Variants in SORCS1 observed in about 807,000 individuals in gnomAD.
SORCS1 encodes VPS10 domain-containing receptor SorCS1.
Under a neutral mutation model 146.1 loss-of-function variants are expected in SORCS1, and 60 were observed. That is an observed-to-expected ratio of 0.41 (90% confidence interval 0.33 to 0.51). The LOEUF (loss-of-function observed/expected upper bound fraction) is 0.51, where lower values mean the gene tolerates loss of function less well. Among genes scored for constraint, SORCS1 ranks in the 20% least tolerant of loss-of-function variants. SORCS1 has a pLI of 0.21. For missense variants in SORCS1, 1,352 were observed against 1,487.6 expected, an observed-to-expected ratio of 0.91 and a Z score of 1.50; for synonymous variants, 637 against 584.0, an observed-to-expected ratio of 1.09 and a Z score of -1.31.
chr10:106,781,477 G>A (rs1202199399), intron 3 of SORCS1, among the ~76,000 whole-genome samples: 1 of 152,042 alleles, frequency 6.6e-6, no homozygotes, highest in Non-Finnish European at 1.5e-5. Context: ...TATCACAGGT[G>A]CATAATAAAT....
intron 3 of SORCS1, among the ~76,000 whole-genome samples, chr10:106,782,743 G>T (rs943246983): frequency 2.6e-5 from 4 of 152,200 alleles, no homozygotes; most frequent in Admixed American, 2.0e-4. Flanking sequence ...CTATTTTACT[G>T]TAAGAATCTG....
At chr10:106,599,795 G>T (rs1846131233) in intron 23 of SORCS1, among the ~76,000 whole-genome samples, 2 of 151,224 alleles carry the variant, frequency 1.3e-5, no homozygotes, top group Non-Finnish European at 2.9e-5. Flanking sequence ...GACAGAGTTG[G>T]AGTCTTGCTC....
chr10:106,669,602 G>T (rs761204239), intron 16 of SORCS1, among the ~76,000 whole-genome samples: 2 of 152,158 alleles, frequency 1.3e-5, no homozygotes, highest in Non-Finnish European at 2.9e-5. Context: ...AGTCCCAAAG[G>T]GTAGTACAGA....
intron 1 of SORCS1, among the ~76,000 whole-genome samples, chr10:107,043,151 A>G (rs1365035352): frequency 6.6e-6 from 1 of 152,230 alleles, no homozygotes; most frequent in Non-Finnish European, 1.5e-5. Flanking sequence ...CTTTTTAATC[A>G]TAAGAAAACA....
upstream of SORCS1, among the ~76,000 whole-genome samples, chr10:107,167,904 T>G (rs979216539): frequency 6.6e-6 from 1 of 152,094 alleles, no homozygotes; most frequent in Non-Finnish European, 1.5e-5. Context: ...GTATACTGAT[T>G]GGTGTGCACA....
At chr10:107,165,476 GGT>G (rs1045122888), upstream of SORCS1, among the ~76,000 whole-genome samples, 11 of 152,148 alleles carry the variant, frequency 7.2e-5, no homozygotes, top group African/African-American at 2.7e-4. The surrounding 1 kb of genome is among the most constrained non-coding windows in gnomAD (Gnocchi z 4.0). Flanking sequence ...TATATATCTT[GGT>G]TTCCCTAAGA....
At chr10:107,094,806 G>A (rs1421754884) in intron 1 of SORCS1, among the ~76,000 whole-genome samples, 1 of 152,204 alleles carries the variant, frequency 6.6e-6, no homozygotes, top group African/African-American at 2.4e-5. Flanking sequence ...CTAAGAACGG[G>A]AGAAGCAACA....
intron 1 of SORCS1, among the ~76,000 whole-genome samples, chr10:106,977,299 G>T (rs1956069296): frequency 1.3e-5 from 2 of 152,166 alleles, no homozygotes; most frequent in Non-Finnish European, 2.9e-5. Flanking sequence ...ATGATGATGA[G>T]CTTTTTTTCA....
intron 2 of SORCS1, among the ~76,000 whole-genome samples, chr10:106,936,173 C>A (rs942385423): frequency 6.6e-5 from 10 of 152,202 alleles, no homozygotes; most frequent in African/African-American, 2.4e-4. Flanking sequence ...CTCAAGCCAT[C>A]AGTTGTGCTT....
intron 14 of SORCS1, among the ~76,000 whole-genome samples, chr10:106,674,622 A>T (rs1024427362): frequency 1.3e-5 from 2 of 152,124 alleles, no homozygotes; most frequent in Non-Finnish European, 2.9e-5. Context: ...ACAATAACAG[A>T]CTGTTCTCAT....
rs188358783 is a variant in SORCS1, at chr10:106,739,009, G to C, written c.960-8895C>G. ...AGCCAGGGATTGTTTTAAAAGGCAA[G>C]GTTAGTGGACTAGGTATTTGAACTA... On this transcript the variant is annotated intron_variant, in intron 5 of 25. Transcript: ENST00000263054. Among the ~76,000 whole-genome samples, 249 of 152,258 alleles carry C rather than the reference G, an allele frequency of 1.6e-3. 1 individual carries two copies. Among genetic ancestry groups the C allele is most frequent in the African/African-American group, 5.1e-3 (212 of 41,558 alleles).
intron 2 of SORCS1, among the ~76,000 whole-genome samples, chr10:106,931,434 G>T (rs1953410269): frequency 6.6e-6 from 1 of 152,214 alleles, no homozygotes; most frequent in Non-Finnish European, 1.5e-5. Context: ...AGAACTCACT[G>T]AGAAGAGCAT....
intron 18 of SORCS1, among the ~76,000 whole-genome samples, chr10:106,638,418 A>G (rs1344869524): frequency 6.6e-6 from 1 of 152,170 alleles, no homozygotes; most frequent in African/African-American, 2.4e-5. Context: ...CGGTACATTC[A>G]TTGGGAAAAT....
At chr10:106,762,639 C>T (rs546462500) in intron 4 of SORCS1, among the ~76,000 whole-genome samples, 5 of 151,880 alleles carry the variant, frequency 3.3e-5, no homozygotes, top group South Asian at 2.1e-4. Flanking sequence ...CCTCATGATC[C>T]GCCCACCTCG....
intron 6 of SORCS1, among the ~76,000 whole-genome samples, chr10:106,715,896 G>A (rs931462406): frequency 2.8e-4 from 42 of 152,092 alleles, no homozygotes; most frequent in African/African-American, 9.9e-4. Context: ...GGGACCACAG[G>A]CGCATGCCAC....
intron 1 of SORCS1, among the ~76,000 whole-genome samples, chr10:107,152,067 C>T (rs572990907): frequency 3.9e-4 from 59 of 152,166 alleles, no homozygotes; most frequent in Non-Finnish European, 6.8e-4. Context: ...GCCCTGCATC[C>T]CAGCTGCTTC....
chr10:106,652,434 T>C lies in SORCS1; in HGVS notation c.2423A>G (p.Lys808Arg), dbSNP rs760037374. Residue 808 changes from lysine (K) to arginine (R), a missense_variant, in exon 18 of 26, where the codon AAG (lysine) becomes AGG (arginine). Transcript: ENST00000263054. ...GTTGTGTCCTTGTTCCGCTGTCAGC[T>C]TTCCATCAGCCGTGACTATCCGCAG... Reference protein sequence around the residue: ...RGLRIVTADGKLTAEQGHNVT... With the variant: ...RGLRIVTADGRLTAEQGHNVT... The C allele has an allele frequency of 6.8e-5, 109 of 1,614,028 alleles. No homozygotes were observed. The highest frequency in any genetic ancestry group is 8.8e-5 in the Non-Finnish European group (104 of 1,180,010).
At chr10:106,706,681 G>A (rs1854558513) in intron 7 of SORCS1, 47 bp from the exon 8 acceptor site, 8 of 1,563,126 alleles carry the variant, frequency 5.1e-6, no homozygotes, top group Non-Finnish European at 7.1e-6. Flanking sequence ...TACTGTAACA[G>A]GCACAGGTCA....
chr10:106,607,411 A>G lies in SORCS1; in HGVS notation c.3034-114T>C. 2.9e-6 allele frequency: 4 copies of G among 1,387,282 alleles called. No homozygotes were observed. In the South Asian group the frequency reaches 5.7e-5, roughly 20 times the overall value. 85.9% of individuals were successfully genotyped at this position (1,387,282 alleles called of 1,614,324 possible). A position where few individuals can be genotyped will look rare whatever the true frequency, so the allele number is the denominator to read the frequency against. On this transcript the variant is annotated intron_variant, in intron 22 of 25. Coordinates refer to ENST00000263054, the MANE Select transcript of SORCS1 (RefSeq NM_052918.5). ...GCAGAAGACACCACAAGGGGCCTGA[A>G]AGCAGAGGCCTGGGCATATCAGGCA...
Sources: allele counts gnomAD v4.1 joint callset (sites outside exome capture counted in the v4.1 genomes callset), GRCh38; gene constraint gnomAD v4.1.1; non-coding constraint Gnocchi (gnomAD v3.1); transcripts MANE v1.5; gene names NCBI Gene and HGNC (gene_info 2026-07-23, HGNC 2026-07-21).